PCDH15: variants seen among roughly 807,000 people sequenced by gnomAD.
The protein encoded by PCDH15 is protocadherin-15.
PCDH15 carries 129 observed loss-of-function variants against 178.5 expected under a neutral mutation model. The ratio of observed to expected loss-of-function variants is 0.72; its 90% CI spans 0.63 to 0.84. The LOEUF is 0.84. Among genes scored for constraint, PCDH15 ranks in the 40% least tolerant of loss-of-function variants. PCDH15 has a pLI of 0.00. For synonymous variants in PCDH15, 800 were observed against 732.0 expected, an observed-to-expected ratio of 1.09 and a Z score of -1.50; for missense variants, 2,230 against 2,099.9, an observed-to-expected ratio of 1.06 and a Z score of -1.21.
intron 7 of PCDH15, among the ~76,000 whole-genome samples, chr10:54,324,112 G>A (rs1179174492): frequency 6.6e-6 from 1 of 151,992 alleles, no homozygotes; most frequent in Non-Finnish European, 1.5e-5. Context: ...AAAACAATGG[G>A]GTTACAATTA....
intron 8 of PCDH15, among the ~76,000 whole-genome samples, chr10:54,283,669 T>G (rs2058844906): frequency 6.6e-6 from 1 of 152,110 alleles, no homozygotes; most frequent in African/African-American, 2.4e-5. Flanking sequence ...ACATCCTGAA[T>G]ACTCTATATA....
intron 23 of PCDH15, 91 bp from the exon 24 acceptor site, chr10:53,941,066 G>T (rs755723743): frequency 1.2e-6 from 1 of 863,484 alleles, no homozygotes; most frequent in Non-Finnish European, 1.9e-6. Flanking sequence ...AAAGATAAGA[G>T]ATTTCTGATA....
At chr10:53,965,151 A>T (rs2660182) in intron 21 of PCDH15, among the ~76,000 whole-genome samples, 1 of 151,240 alleles carries the variant, frequency 6.6e-6, no homozygotes, top group African/African-American at 2.4e-5. Flanking sequence ...TCCGCCTCTC[A>T]GGTTCAAGTG....
In PCDH15 at chr10:54,607,780, A is replaced by G. The variant is rs372440778; in HGVS notation, c.91+56392T>C. On this transcript the variant is annotated intron_variant, in intron 2 of 37. Transcript: ENST00000644397. ...GGTAACTTTAAGGCTTTTACTGTCTACTACAAAGAATTTTTATAGATATAT... is the reference window on the plus strand; with the variant it reads ...GGTAACTTTAAGGCTTTTACTGTCTGCTACAAAGAATTTTTATAGATATAT... 5.6e-5 allele frequency: 27 copies of G among 482,010 alleles called. No individual in the cohort carries two copies. In the East Asian group the frequency reaches 1.6e-3, roughly 28 times the overall value. 29.9% of individuals were successfully genotyped at this position (482,010 alleles called of 1,614,324 possible).
At position 54,218,427 on chromosome 10, in the gene PCDH15, T is replaced by C. The variant is rs527891525; in HGVS notation, c.986-4379A>G. ...TCCCAATGTGACCATTATAGAGAGA[T>C]AGACCCTTTTAAGAAGGTAATCAGA... On this transcript the variant is annotated intron_variant, in intron 9 of 37. Coordinates refer to ENST00000644397, the MANE Select transcript of PCDH15 (RefSeq NM_001384140.1). 3.9e-5 allele frequency among the ~76,000 whole-genome samples: 6 copies of C among 152,288 alleles called. No homozygotes were observed. The East Asian group carries it at 5.8e-4, about 15-fold the overall frequency.
At chr10:54,766,887 A>G (rs1010538885) in intron 1 of PCDH15, among the ~76,000 whole-genome samples, 6 of 151,886 alleles carry the variant, frequency 4.0e-5, no homozygotes, top group African/African-American at 1.5e-4. Context: ...CCGAGATAGC[A>G]CCACTGCACT....
At chr10:54,679,063 G>A (rs1334778851) in intron 1 of PCDH15, among the ~76,000 whole-genome samples, 3 of 151,420 alleles carry the variant, frequency 2.0e-5, no homozygotes, top group Non-Finnish European at 4.4e-5. Flanking sequence ...GTTGGCGGGC[G>A]CCTGTAGTCC....
intron 2 of PCDH15, among the ~76,000 whole-genome samples, chr10:55,459,645 G>A (rs568925616): frequency 1.8e-4 from 28 of 152,138 alleles, no homozygotes; most frequent in African/African-American, 5.3e-4. Context: ...ATTGGTAGTG[G>A]TTACAGGGTA....
chr10:55,069,353 T>C (rs1459808763), intron 2 of PCDH15, among the ~76,000 whole-genome samples: 1 of 149,956 alleles, frequency 6.7e-6, no homozygotes, highest in Admixed American at 6.7e-5. Context: ...TGTATACATG[T>C]GCCATGCTGG....
chr10:54,379,344 A>G (rs1948889731), intron 3 of PCDH15, among the ~76,000 whole-genome samples: 1 of 152,202 alleles, frequency 6.6e-6, no homozygotes, highest in Non-Finnish European at 1.5e-5. Flanking sequence ...AAAAAAAGAT[A>G]TTGTGAAACT....
intron 1 of PCDH15, among the ~76,000 whole-genome samples, chr10:55,315,115 G>A (rs556815770): frequency 6.6e-6 from 1 of 152,088 alleles, no homozygotes; most frequent in East Asian, 1.9e-4. Context: ...ATATATATGT[G>A]AACATACTTA....
intron 3 of PCDH15, among the ~76,000 whole-genome samples, chr10:54,486,873 T>A (rs2079148023): frequency 6.6e-6 from 1 of 151,952 alleles, no homozygotes; most frequent in Non-Finnish European, 1.5e-5. Flanking sequence ...TGATTCCAGT[T>A]TAAGCAGCCA....
At chr10:55,431,273 A>C (rs2132056807) in intron 2 of PCDH15, among the ~76,000 whole-genome samples, 1 of 152,312 alleles carries the variant, frequency 6.6e-6, no homozygotes, top group South Asian at 2.1e-4. Flanking sequence ...AATGAAATGA[A>C]ATCTTCTCAC....
At chr10:54,881,765 T>C (rs893069450) in intron 3 of PCDH15, among the ~76,000 whole-genome samples, 3 of 152,246 alleles carry the variant, frequency 2.0e-5, no homozygotes, top group Admixed American at 6.6e-5. Flanking sequence ...TAAATTGAAA[T>C]CATAGTCAAT....
At chr10:55,392,924 T>C (rs1040391119) in intron 2 of PCDH15, among the ~76,000 whole-genome samples, 1 of 152,102 alleles carries the variant, frequency 6.6e-6, no homozygotes, top group African/African-American at 2.4e-5. Flanking sequence ...ATTATTTTTC[T>C]TATTTTTGAG....
At chr10:54,039,203 A>T (rs1430184610) in intron 18 of PCDH15, among the ~76,000 whole-genome samples, 2 of 152,024 alleles carry the variant, frequency 1.3e-5, no homozygotes, top group Non-Finnish European at 1.5e-5. Context: ...TTGAATTTAG[A>T]GTATGAATGT....
chr10:55,239,151 A>G (rs1228640189), intron 1 of PCDH15, among the ~76,000 whole-genome samples: 1 of 152,140 alleles, frequency 6.6e-6, no homozygotes, highest in Admixed American at 6.5e-5. Flanking sequence ...TTCACTTAAC[A>G]TAATGTCCAC....
chr10:55,208,812 T>TA (rs1840479685), intron 1 of PCDH15, among the ~76,000 whole-genome samples: 1 of 152,178 alleles, frequency 6.6e-6, no homozygotes, highest in African/African-American at 2.4e-5. Context: ...TTTAGTTATT[T>TA]AACAATATTG....
intron 2 of PCDH15, among the ~76,000 whole-genome samples, chr10:55,144,127 G>C (rs958504060): frequency 1.3e-5 from 2 of 151,956 alleles, no homozygotes; most frequent in African/African-American, 4.8e-5. Context: ...ATGTTTTTAA[G>C]TCTCAAACTG....
Sources: gnomAD v4.1 joint callset for allele counts (sites outside exome capture counted in the v4.1 genomes callset) on GRCh38, gnomAD v4.1.1 for gene constraint, MANE v1.5 for transcripts, NCBI Gene and HGNC (gene_info 2026-07-23, HGNC 2026-07-21) for gene names.